The following CDH3 variants were observed in gnomAD, a reference collection of about 807,000 sequenced individuals.
CDH3 encodes cadherin-3.
CDH3 carries 54 observed loss-of-function variants against 82.0 expected under a neutral mutation model. The ratio of observed to expected loss-of-function variants is 0.66; its 90% CI spans 0.53 to 0.83. CDH3 has a LOEUF of 0.83. Among genes scored for constraint, CDH3 ranks in the 40% least tolerant of loss-of-function variants. CDH3 has a pLI of 0.00. For synonymous variants in CDH3, 446 were observed against 437.9 expected, an observed-to-expected ratio of 1.02 and a Z score of -0.23; for missense variants, 1,054 against 1,084.6, an observed-to-expected ratio of 0.97 and a Z score of 0.40.
chr16:68,711,670 C>A (rs904088468), intron 1 of CDH3, among the ~76,000 whole-genome samples: 1 of 152,202 alleles, frequency 6.6e-6, no homozygotes, highest in African/African-American at 2.4e-5. Flanking sequence ...TGGGAACTTA[C>A]ATCCTTTATT....
At chr16:68,724,770 T>C (rs1419945825) in intron 2 of CDH3, among the ~76,000 whole-genome samples, 1 of 152,090 alleles carries the variant, frequency 6.6e-6, no homozygotes, top group Non-Finnish European at 1.5e-5. Flanking sequence ...TCTATATGGA[T>C]GTCACATCAA....
intron 2 of CDH3, among the ~76,000 whole-genome samples, chr16:68,724,646 G>T (rs1252320069): frequency 6.7e-6 from 1 of 150,286 alleles, no homozygotes; most frequent in Non-Finnish European, 1.5e-5. Flanking sequence ...AAAAAAAATG[G>T]TCTCGAGACC....
At chr16:68,712,866 G>C (rs988406290) in intron 1 of CDH3, among the ~76,000 whole-genome samples, 2 of 152,142 alleles carry the variant, frequency 1.3e-5, no homozygotes, top group African/African-American at 2.4e-5. Context: ...ATTTTTAGTA[G>C]AGTTGGGGTT....
intron 4 of CDH3, 107 bp downstream of exon 4, chr16:68,678,384 C>T: frequency 1.3e-6 from 2 of 1,581,470 alleles, no homozygotes. Context: ...GACAGAAAAA[C>T]CTCTCCTGTT....
In CDH3 at chr16:68,705,566, C is replaced by T. The variant is rs572571794; in HGVS notation, c.99+9643C>T. Among the ~76,000 whole-genome samples, 269 of 151,930 alleles carry T rather than the reference C, an allele frequency of 1.8e-3. 1 individual carries two copies. Among genetic ancestry groups the T allele is most frequent in the Non-Finnish European group, 2.6e-3 (179 of 67,976 alleles). On this transcript the variant is annotated intron_variant, in intron 1 of 2. Transcript: ENST00000569080. ...CCTCCCGAGTAGCTGGGATTACAGGCGCATGCCACCATGCCTGGCTAACTT... is the reference window on the plus strand; with the variant it reads ...CCTCCCGAGTAGCTGGGATTACAGGTGCATGCCACCATGCCTGGCTAACTT...
Position 68,707,893 on chromosome 16 carries a change from C to T in CDH3, c.99+11970C>T, listed in dbSNP as rs1252559746. On this transcript the variant is annotated intron_variant, in intron 1 of 2. Transcript: ENST00000569080. The surrounding 1 kb of genome is among the most constrained non-coding windows in gnomAD (Gnocchi z 4.5). ...GGGCGGGTCAGGAATGCCTGGGCTC[C>T]GTTCCAACTTCTGTCCCCACTGTTG... 2.6e-5 allele frequency among the ~76,000 whole-genome samples: 4 copies of T among 151,870 alleles called. No individual in the cohort carries two copies. The highest frequency in any genetic ancestry group is 7.3e-5 in the African/African-American group (3 of 41,316).
At chr16:68,724,779 A>G (rs1567466186) in intron 2 of CDH3, among the ~76,000 whole-genome samples, 1 of 152,192 alleles carries the variant, frequency 6.6e-6, no homozygotes. Flanking sequence ...ATGTCACATC[A>G]AGGATTCAAC....
chr16:68,660,645 T>C (rs1960540045), intron 2 of CDH3, among the ~76,000 whole-genome samples: 1 of 152,194 alleles, frequency 6.6e-6, no homozygotes, highest in Non-Finnish European at 1.5e-5. Flanking sequence ...GTTGCATTTA[T>C]ATAAAGGATG....
Position 68,680,975 on chromosome 16 carries a change from C to T in CDH3, c.875C>T (p.Pro292Leu). ...CCTCTCCTTTCTCCCCAGAAAGTCC[C>T]TGAGTACACACTGACCATCCAGGCC... ...ISSGLDREKV[P>L]EYTLTIQATD... Residue 292 changes from proline (P) to leucine (L), a missense_variant, in exon 8 of 16, where the codon CCT (proline) becomes CTT (leucine). Transcript: ENST00000264012. The T allele has an allele frequency of 6.2e-7, 1 of 1,614,108 alleles. No individual in the cohort carries two copies.
intron 1 of CDH3, among the ~76,000 whole-genome samples, chr16:68,711,457 G>T (rs189298970): frequency 1.3e-5 from 2 of 152,300 alleles, no homozygotes; most frequent in Non-Finnish European, 2.9e-5. Context: ...TGTGAGTGAG[G>T]AAGTTCAGGT....
Position 68,680,990 on chromosome 16 carries a change from C to G in CDH3, c.890C>G (p.Thr297Ser). 2.5e-6 allele frequency: 4 copies of G among 1,614,124 alleles called. No individual in the cohort carries two copies. Among genetic ancestry groups the G allele is most frequent in the Non-Finnish European group, 3.4e-6 (4 of 1,180,006 alleles). Residue 297 changes from threonine to serine, a missense_variant, in exon 8 of 16, where the codon ACC becomes AGC. By Grantham distance (58) the Thr-to-Ser change is moderately conservative (BLOSUM62 1). Transcript: ENST00000264012. ...CAGAAAGTCCCTGAGTACACACTGA[C>G]CATCCAGGCCACAGACATGGATGGG... is the stretch of plus-strand genomic sequence containing the variant. Reference protein sequence around the residue: ...DREKVPEYTLTIQATDMDGDG... With the variant: ...DREKVPEYTLSIQATDMDGDG...
intron 2 of CDH3, among the ~76,000 whole-genome samples, chr16:68,656,048 A>C (rs1184689131): frequency 6.6e-6 from 1 of 152,190 alleles, no homozygotes; most frequent in African/African-American, 2.4e-5. Context: ...CAGAGGAACA[A>C]CACCAGGGTT....
At chr16:68,717,072 G>C (rs1337188430) in intron 1 of CDH3, among the ~76,000 whole-genome samples, 1 of 151,998 alleles carries the variant, frequency 6.6e-6, no homozygotes, top group African/African-American at 2.4e-5. Flanking sequence ...AAGAGACAAA[G>C]GTTGGATATA....
chr16:68,670,059 C>A (rs1218544784), intron 2 of CDH3, among the ~76,000 whole-genome samples: 1 of 151,916 alleles, frequency 6.6e-6, no homozygotes, highest in Non-Finnish European at 1.5e-5. Flanking sequence ...CCTGTCTCTA[C>A]TAAAAATACA....
intron 1 of CDH3, among the ~76,000 whole-genome samples, chr16:68,708,498 G>C (rs562349460): frequency 6.6e-6 from 1 of 151,992 alleles, no homozygotes; most frequent in Non-Finnish European, 1.5e-5. Context: ...GCTCCCTCAC[G>C]TCCTTCAGGC....
chr16:68,722,578 G>C (rs1211837693), exon 2 of CDH3: 1 of 152,138 alleles, frequency 6.6e-6, no homozygotes, highest in Non-Finnish European at 1.5e-5. Context: ...ATGAGCACGT[G>C]GGGTGGACAA....
rs1217474490 is a variant in CDH3, at chr16:68,645,732, G to C, written c.142G>C (p.Gly48Arg). ...GGCGGGAGGCGCGGAGCAGGAGCCC[G>C]GCCAGGCGCTGGGGAAAGGTAAGAT... ...LEAGGAEQEP[G>R]QALGKVFMGC... is the part of the protein sequence containing the mutation. Residue 48 changes from glycine to arginine, a missense_variant, in exon 2 of 16, where the codon GGC (glycine) becomes CGC (arginine). By Grantham distance (125) the Gly-to-Arg change is moderately radical. Coordinates refer to ENST00000264012, the MANE Select transcript of CDH3 (RefSeq NM_001793.6). 6.5e-7 allele frequency: 1 copy of C among 1,544,670 alleles called. No individual in the cohort carries two copies. The highest frequency in any genetic ancestry group is 2.0e-5 in the Admixed American group (1 of 50,956).
chr16:68,689,856 C>G (rs1036154336), intron 12 of CDH3, among the ~76,000 whole-genome samples: 3 of 151,952 alleles, frequency 2.0e-5, no homozygotes, highest in Middle Eastern at 3.4e-3. Flanking sequence ...GGGGTAGAAA[C>G]GTGGGGGTTG....
intron 2 of CDH3, among the ~76,000 whole-genome samples, chr16:68,659,705 T>C (rs1960507881): frequency 6.6e-6 from 1 of 150,512 alleles, no homozygotes; most frequent in African/African-American, 2.4e-5. Context: ...AAAAAATAAA[T>C]AAAGAGAAAA....
Sources: gnomAD v4.1 joint callset for allele counts (sites outside exome capture counted in the v4.1 genomes callset) on GRCh38, gnomAD v4.1.1 for gene constraint, Gnocchi (gnomAD v3.1) non-coding constraint, MANE v1.5 for transcripts, NCBI Gene and HGNC (gene_info 2026-07-23, HGNC 2026-07-21) for gene names.